MGAT5: variants seen among roughly 807,000 people sequenced by gnomAD.
The protein encoded by MGAT5 is alpha-1,6-mannosylglycoprotein 6-beta-N-acetylglucosaminyltransferase, also known as alpha-1,6-mannosylglycoprotein 6-beta-N-acetylglucosaminyltransferase A.
MGAT5 carries 30 observed loss-of-function variants against 94.3 expected under a neutral mutation model. The observed-to-expected ratio is 0.32, with a 90% CI of 0.24 to 0.43. The LOEUF (loss-of-function observed/expected upper bound fraction) is 0.43. MGAT5 is among the 20% of genes least tolerant of loss of function. MGAT5 has a pLI of 1.00. For missense variants in MGAT5, 691 were observed against 905.5 expected, an observed-to-expected ratio of 0.76 and a Z score of 3.04; for synonymous variants, 310 against 322.9, an observed-to-expected ratio of 0.96 and a Z score of 0.43.
chr2:134,153,851 G>C (rs1687346629), intron 1 of MGAT5, among the ~76,000 whole-genome samples: 1 of 152,064 alleles, frequency 6.6e-6, no homozygotes, highest in Non-Finnish European at 1.5e-5. Context: ...GGAGGAGAAG[G>C]CCCTAATGCT....
chr2:134,171,604 G>A (rs1034244365), intron 1 of MGAT5, among the ~76,000 whole-genome samples: 1 of 152,126 alleles, frequency 6.6e-6, no homozygotes, highest in Non-Finnish European at 1.5e-5. Flanking sequence ...CTTTTTTTGG[G>A]AGACGATCTT....
intron 1 of MGAT5, among the ~76,000 whole-genome samples, chr2:134,171,520 G>C (rs1231800990): frequency 6.6e-6 from 1 of 152,132 alleles, no homozygotes; most frequent in African/African-American, 2.4e-5. Context: ...CCTAACAAGT[G>C]AGATAATAAT....
intron 4 of MGAT5, among the ~76,000 whole-genome samples, chr2:134,324,361 T>C (rs1687518452): frequency 6.6e-6 from 1 of 152,164 alleles, no homozygotes; most frequent in South Asian, 2.1e-4. Context: ...AGCAGTTTCA[T>C]GCCTTACTTG....
At chr2:134,413,886 G>A (rs1013518069) in intron 12 of MGAT5, among the ~76,000 whole-genome samples, 46 of 152,250 alleles carry the variant, frequency 3.0e-4, no homozygotes, top group African/African-American at 1.1e-3. Flanking sequence ...ATATTTTTCA[G>A]TTCTACTTTT....
intron 1 of MGAT5, among the ~76,000 whole-genome samples, chr2:134,148,364 T>A (rs888771713): frequency 2.6e-5 from 4 of 152,226 alleles, no homozygotes; most frequent in African/African-American, 9.7e-5. Flanking sequence ...TAACTGCAGA[T>A]CTCAGGATTC....
chr2:134,225,105 C>T (rs941814487), intron 1 of MGAT5, among the ~76,000 whole-genome samples: 3 of 140,472 alleles, frequency 2.1e-5, no homozygotes, highest in Non-Finnish European at 4.6e-5. Flanking sequence ...AAAAAAAATG[C>T]GGTGGAAATC....
In MGAT5 at chr2:134,257,184, G is replaced by C. The variant is rs187360206; in HGVS notation, c.241+2540G>C. Among the ~76,000 whole-genome samples, 360 of 152,248 alleles carry C rather than the reference G, an allele frequency of 2.4e-3. 3 individuals carry two copies. The highest frequency in any genetic ancestry group is 8.4e-3 in the African/African-American group (350 of 41,546). On this transcript the variant is annotated intron_variant, in intron 1 of 15. Transcript: ENST00000281923. ...AGAGTGGAAGCCACAAACGCTATCTGACATCATCTTTTTAAGGATGTTATC... is the reference window on the plus strand; with the variant it reads ...AGAGTGGAAGCCACAAACGCTATCTCACATCATCTTTTTAAGGATGTTATC...
intron 1 of MGAT5, among the ~76,000 whole-genome samples, chr2:134,204,381 A>G (rs1679935477): frequency 6.6e-6 from 1 of 152,176 alleles, no homozygotes; most frequent in Non-Finnish European, 1.5e-5. Flanking sequence ...GGCTAATGAA[A>G]TTAGCCAAGT....
chr2:134,316,366 C>T (rs1686998364), intron 2 of MGAT5, among the ~76,000 whole-genome samples: 1 of 152,134 alleles, frequency 6.6e-6, no homozygotes. Flanking sequence ...GTTAGATTGT[C>T]CCTTTGGCTG....
intron 12 of MGAT5, among the ~76,000 whole-genome samples, chr2:134,420,069 C>T (rs563871936): frequency 2.0e-4 from 31 of 152,242 alleles, no homozygotes; most frequent in Middle Eastern, 3.4e-3. Context: ...AACTTAAAGA[C>T]ATCCTTTAAA....
intron 2 of MGAT5, among the ~76,000 whole-genome samples, chr2:134,314,104 C>G (rs1456133136): frequency 6.6e-6 from 1 of 152,180 alleles, no homozygotes; most frequent in Admixed American, 6.5e-5. Flanking sequence ...GATGGAAAGT[C>G]TTGGTCAGGT....
chr2:134,145,214 C>CTCTCTGTGTGTGTGTGTGTGTG lies in MGAT5; in HGVS notation c.-143+24924_-143+24925insCTCTGTGTGTGTGTGTGTGTGT, dbSNP rs373377770. ...GTAAGGTGTGTGTGTGTCTCTCTCT[C>CTCTCTGTGTGTGTGTGTGTGTG]TGTGTGTGTGTGTGTGTGTGTGTGT... On this transcript the variant is annotated intron_variant, in intron 1 of 16. Transcript: ENST00000409645. Among the ~76,000 whole-genome samples, 336 of 143,854 alleles carry CTCTCTGTGTGTGTGTGTGTGTG rather than the reference C, an allele frequency of 2.3e-3. 8 individuals are homozygous for CTCTCTGTGTGTGTGTGTGTGTG. In the East Asian group the frequency reaches 0.057, roughly 24 times the overall value. 94.4% of individuals were successfully genotyped at this position (143,854 alleles called of 152,430 possible).
intron 10 of MGAT5, among the ~76,000 whole-genome samples, chr2:134,384,078 A>G (rs1293378480): frequency 1.3e-5 from 2 of 152,298 alleles, no homozygotes; most frequent in Non-Finnish European, 2.9e-5. Context: ...TCAATGTCCC[A>G]TAAAGTTTCA....
At chr2:134,395,895 C>T (rs1160785448) in intron 10 of MGAT5, among the ~76,000 whole-genome samples, 4 of 152,160 alleles carry the variant, frequency 2.6e-5, no homozygotes, top group Admixed American at 2.6e-4. Flanking sequence ...AGACCCATTG[C>T]CCAAGATGAA....
At chr2:134,186,864 T>C (rs1292498693) in intron 1 of MGAT5, among the ~76,000 whole-genome samples, 2 of 152,166 alleles carry the variant, frequency 1.3e-5, no homozygotes, top group African/African-American at 4.8e-5. Flanking sequence ...AACAGGTAAA[T>C]CTGATGTCAG....
rs971408682 is a variant in MGAT5, at chr2:134,424,665, A to G, written c.1794+1746A>G. On this transcript the variant is annotated intron_variant, in intron 13 of 15. Coordinates refer to ENST00000281923, the MANE Select transcript of MGAT5 (RefSeq NM_002410.5). The stretch of plus-strand genomic sequence containing the variant: ...CTGCCGTAACACAGTAGTGCAAACA[A>G]CTGAGTGGCTTAAAACAGCAGAAAT... Among the ~76,000 whole-genome samples, 9 of 152,328 alleles carry G rather than the reference A, an allele frequency of 5.9e-5. No individual in the cohort carries two copies. The East Asian group carries it at 1.4e-3, about 23-fold the overall frequency.
In MGAT5 at chr2:134,451,994, A is replaced by T. The variant is rs1686134580; in HGVS notation, c.*3147A>T. On this transcript the variant is annotated 3_prime_UTR_variant, in exon 16 of 16. Coordinates refer to ENST00000281923, the MANE Select transcript of MGAT5 (RefSeq NM_002410.5). ...GAGATATTAGTCAGTTTCTTTAGTG[A>T]TATTTGTTTCCTTGATGTGCCTTTT... 1 of 151,902 alleles carries T rather than the reference A, an allele frequency of 6.6e-6. No individual in the cohort carries two copies. Among genetic ancestry groups the T allele is most frequent in the Non-Finnish European group, 1.5e-5 (1 of 68,008 alleles). 9.4% of individuals were successfully genotyped at this position (151,902 alleles called of 1,614,324 possible).
At chr2:134,414,303 T>A (rs1205554405) in intron 12 of MGAT5, among the ~76,000 whole-genome samples, 1 of 152,202 alleles carries the variant, frequency 6.6e-6, no homozygotes, top group Non-Finnish European at 1.5e-5. Flanking sequence ...TAGGAAGTGC[T>A]AGGACACAGA....
intron 2 of MGAT5, among the ~76,000 whole-genome samples, chr2:134,298,309 G>C (rs13012463): frequency 0.61 from 92,852 of 151,928 alleles, 29,898 homozygotes; most frequent in East Asian, 0.75. Context: ...TGTTGGCCAG[G>C]CTCGTCTTGA....
Sources: gnomAD v4.1 joint callset for allele counts (sites outside exome capture counted in the v4.1 genomes callset) on GRCh38, gnomAD v4.1.1 for gene constraint, MANE v1.5 for transcripts, NCBI Gene and HGNC (gene_info 2026-07-23, HGNC 2026-07-21) for gene names.